ARHGEF38: variants seen among roughly 807,000 people sequenced by gnomAD.
ARHGEF38 encodes the protein Rho guanine nucleotide exchange factor 38, also known as Rho guanine nucleotide exchange factor (GEF) 38.
ARHGEF38 carries 79 observed loss-of-function variants against 79.9 expected under a neutral mutation model. The observed-to-expected ratio is 0.99, with a 90% CI of 0.82 to 1.19. The LOEUF (loss-of-function observed/expected upper bound fraction) is 1.19. ARHGEF38 is among the 50% of genes most tolerant of loss of function. The pLI is 0.00. For missense variants in ARHGEF38, 962 were observed against 907.2 expected (o/e 1.06, Z -0.78); for synonymous variants, 366 against 328.3 (o/e 1.11, Z -1.24).
intron 2 of ARHGEF38, among the ~76,000 whole-genome samples, chr4:105,606,456 A>G (rs17035951): frequency 0.12 from 17,814 of 152,146 alleles, 1,110 homozygotes; most frequent in Middle Eastern, 0.2. Context: ...TTGAGGTCAG[A>G]ACAGCAATAT....
intron 6 of ARHGEF38, 61 bp from the exon 7 acceptor site, chr4:105,648,488 T>C (rs1729949181): frequency 7.2e-7 from 1 of 1,385,016 alleles, no homozygotes; most frequent in African/African-American, 1.5e-5. Flanking sequence ...AAACTTTGGG[T>C]GAAGTGCACA....
At chr4:105,650,559 G>A (rs913141972) in intron 7 of ARHGEF38, among the ~76,000 whole-genome samples, 2 of 152,186 alleles carry the variant, frequency 1.3e-5, no homozygotes, top group Non-Finnish European at 2.9e-5. Context: ...AGAGGTTCTG[G>A]TCTAGACTTT....
intron 2 of ARHGEF38, 71 bp from the exon 3 acceptor site, chr4:105,613,313 T>C: frequency 6.7e-7 from 1 of 1,489,878 alleles, no homozygotes; most frequent in East Asian, 2.4e-5. Context: ...TTAAAATGCT[T>C]ACTGTTTAGG....
Position 105,577,302 on chromosome 4 carries a change from C to T in ARHGEF38, c.197-11946C>T, listed in dbSNP as rs571079661. Among the ~76,000 whole-genome samples, 3 of 136,028 alleles carry T rather than the reference C, an allele frequency of 2.2e-5. No homozygotes were observed. In the South Asian group the frequency reaches 7.2e-4, roughly 32 times the overall value. The allele number at this position is 136,028 out of a possible 152,430, so 89.2% of individuals were successfully genotyped here. On this transcript the variant is annotated intron_variant, in intron 1 of 13. Coordinates refer to ENST00000420470, the MANE Select transcript of ARHGEF38 (RefSeq NM_001242729.2). ...GAGGGTGATGTTCCCCTTCCTGTGT[C>T]CATGTGTTCTCATTGTTCAATTCCC...
In ARHGEF38 at chr4:105,571,849, C is replaced by A. The variant is rs114209927; in HGVS notation, c.197-17399C>A. On this transcript the variant is annotated intron_variant, in intron 1 of 13. Coordinates refer to ENST00000420470, the MANE Select transcript of ARHGEF38 (RefSeq NM_001242729.2). ...ACACCAAGAGAACATTTTTATTGTA[C>A]ACATTACCTTGGAATAACATTTTTG... 5.4e-3 allele frequency among the ~76,000 whole-genome samples: 819 copies of A among 152,186 alleles called. 10 individuals carry two copies. The highest frequency in any genetic ancestry group is 0.019 in the African/African-American group (771 of 41,520).
intron 1 of ARHGEF38, among the ~76,000 whole-genome samples, chr4:105,568,219 G>A (rs1560690025): frequency 1.3e-5 from 2 of 151,902 alleles, no homozygotes; most frequent in Non-Finnish European, 2.9e-5. Context: ...CATTTATGCA[G>A]CCAAAAAACA....
intron 2 of ARHGEF38, among the ~76,000 whole-genome samples, chr4:105,609,194 G>A (rs1728181771): frequency 6.6e-6 from 1 of 151,990 alleles, no homozygotes; most frequent in African/African-American, 2.4e-5. Context: ...TAAGGGTCTA[G>A]TTTCATTTTT....
chr4:105,562,710 G>T (rs1009063548), intron 1 of ARHGEF38, among the ~76,000 whole-genome samples: 4 of 152,150 alleles, frequency 2.6e-5, no homozygotes, highest in Non-Finnish European at 4.4e-5. Context: ...GAGTGAGACA[G>T]GTTGTGAACA....
intron 3 of ARHGEF38, among the ~76,000 whole-genome samples, chr4:105,629,323 T>C (rs1578327068): frequency 6.6e-6 from 1 of 152,298 alleles, no homozygotes; most frequent in Non-Finnish European, 1.5e-5. Context: ...TTTCCACCTC[T>C]AGACAGGACT....
chr4:105,606,935 A>G (rs1728068777), intron 2 of ARHGEF38, among the ~76,000 whole-genome samples: 1 of 152,054 alleles, frequency 6.6e-6, no homozygotes, highest in Non-Finnish European at 1.5e-5. Flanking sequence ...CTCATCCTTA[A>G]TTTTCTACAG....
intron 7 of ARHGEF38, among the ~76,000 whole-genome samples, chr4:105,652,804 A>T (rs1423249637): frequency 3.3e-5 from 5 of 152,210 alleles, no homozygotes; most frequent in Non-Finnish European, 7.3e-5. Flanking sequence ...AGAATGTTGG[A>T]TTTTGTGGGG....
At chr4:105,561,086 A>G (rs1295658501) in intron 1 of ARHGEF38, among the ~76,000 whole-genome samples, 1 of 152,106 alleles carries the variant, frequency 6.6e-6, no homozygotes, top group Non-Finnish European at 1.5e-5. Context: ...TTGTCTGTCT[A>G]AAAGTTTCTT....
chr4:105,601,920 C>T (rs570451380), intron 2 of ARHGEF38, among the ~76,000 whole-genome samples: 7 of 152,276 alleles, frequency 4.6e-5, no homozygotes, highest in African/African-American at 1.7e-4. Context: ...CCTTACTTAT[C>T]TTGTTTACTT....
chr4:105,667,524 T>A lies in ARHGEF38; in HGVS notation c.1969T>A (p.Phe657Ile). ...GCAGAAAGTGGATGCTGAGAACAGG[T>A]TCTGTGACGATGATTTTGAGAACAT... ...KMQKVDAENRFCDDDFENISL... is the reference protein window; with the variant it reads ...KMQKVDAENRICDDDFENISL... The change falls in exon 13 of 14, where the codon TTC becomes ATC. Residue 657 changes from phenylalanine (F) to isoleucine (I), a missense_variant. By Grantham distance (21) the Phe-to-Ile change is conservative. Transcript: ENST00000420470. 1 of 1,536,542 alleles carries A rather than the reference T, an allele frequency of 6.5e-7. No individual in the cohort carries two copies. The highest frequency in any genetic ancestry group is 1.2e-5 in the South Asian group (1 of 84,062).
intron 1 of ARHGEF38, 74 bp from the exon 2 acceptor site, chr4:105,589,174 G>A (rs771017212): frequency 1.8e-5 from 22 of 1,250,636 alleles, no homozygotes; most frequent in African/African-American, 1.1e-4. Context: ...AAAGTCCTTC[G>A]AAGGCGTTGT....
chr4:105,557,820 G>A (rs1012878905), intron 1 of ARHGEF38, among the ~76,000 whole-genome samples: 1 of 152,062 alleles, frequency 6.6e-6, no homozygotes, highest in Non-Finnish European at 1.5e-5. Flanking sequence ...TAATATATTT[G>A]TTATAGCAGC....
At chr4:105,564,894 G>A (rs1258488630) in intron 1 of ARHGEF38, among the ~76,000 whole-genome samples, 3 of 152,204 alleles carry the variant, frequency 2.0e-5, no homozygotes, top group Non-Finnish European at 4.4e-5. Flanking sequence ...AAGGTGGTCA[G>A]CCAGCAACTT....
intron 1 of ARHGEF38, among the ~76,000 whole-genome samples, chr4:105,571,631 C>A (rs1335217555): frequency 6.6e-6 from 1 of 152,112 alleles, no homozygotes; most frequent in East Asian, 1.9e-4. Context: ...CCTGCTCATG[C>A]CTCTTCAGGA....
intron 9 of ARHGEF38, 135 bp downstream of exon 9, chr4:105,655,857 T>A: frequency 2.0e-6 from 2 of 1,006,126 alleles, no homozygotes; most frequent in Non-Finnish European, 2.8e-6. Context: ...TTAGTAGATT[T>A]AAATGGGATT....
Sources: gnomAD v4.1 joint callset for allele counts (sites outside exome capture counted in the v4.1 genomes callset) on GRCh38, gnomAD v4.1.1 for gene constraint, MANE v1.5 for transcripts, NCBI Gene and HGNC (gene_info 2026-07-23, HGNC 2026-07-21) for gene names.